The following PRH1 variants were observed in gnomAD, a reference collection of about 807,000 sequenced individuals.
PRH1 encodes proline rich protein HaeIII subfamily 1, also known as salivary acidic proline-rich phosphoprotein 1/2.
A neutral mutation model predicts 7.9 loss-of-function variants in PRH1; 7 were observed. The observed-to-expected ratio is 0.89, with a 90% CI of 0.50 to 1.67. The LOEUF (loss-of-function observed/expected upper bound fraction) is 1.67, where lower values mean the gene tolerates loss of function less well. PRH1 is among the 40% of genes most tolerant of loss of function. PRH1 has a pLI of 0.00. For synonymous variants in PRH1, 45 were observed against 80.8 expected (o/e 0.56, Z 2.38); for missense variants, 109 against 223.6 (o/e 0.49, Z 3.27).
chr12:10,885,457 T>C (rs140027304), upstream of PRH1, among the ~76,000 whole-genome samples: 59 of 152,340 alleles, frequency 3.9e-4, no homozygotes, highest in East Asian at 9.1e-3. Flanking sequence ...TGTGTGGTAC[T>C]CCTCACTACC....
chr12:11,001,326 T>A (rs946050887), intron 1 of PRH1, among the ~76,000 whole-genome samples: 2 of 152,120 alleles, frequency 1.3e-5, no homozygotes, highest in African/African-American at 4.8e-5. Context: ...AATTTTACTC[T>A]TTTTTTATTA....
chr12:11,016,492 T>C (rs1447707929), intron 1 of PRH1, among the ~76,000 whole-genome samples: 4 of 152,148 alleles, frequency 2.6e-5, no homozygotes, highest in African/African-American at 9.7e-5. Context: ...ACTAATTTTT[T>C]GTTGTTGTTT....
At chr12:11,133,144 T>C (rs202119825) in intron 1 of PRH1, 163 of 882,744 alleles carry the variant, frequency 1.8e-4, no homozygotes, top group Non-Finnish European at 2.5e-4. Flanking sequence ...CACACACACA[T>C]CTATATATAT....
chr12:11,133,369 T>G (rs1211715042), intron 1 of PRH1: 1 of 1,613,692 alleles, frequency 6.2e-7, no homozygotes, highest in Non-Finnish European at 8.5e-7. Flanking sequence ...GCCGCAAAAC[T>G]GAAAGAAAAA....
rs1039566963 is a variant in PRH1 at position 10,985,972 on chromosome 12, T to G, written c.-125-12251A>C. On this transcript the variant is annotated intron_variant, in intron 1 of 3. Coordinates refer to the PRH1 transcript ENST00000539853. ...TTCAGGTCTTTTACTCAGCACCTAA[T>G]CTGACACAAAATCAAAAGAAAGGTG... 18 of 1,611,150 alleles carry G rather than the reference T, an allele frequency of 1.1e-5. No homozygotes were observed. In the East Asian group the frequency reaches 1.3e-4, roughly 12 times the overall value.
chr12:11,076,961 T>C (rs1944315711), intron 1 of PRH1: 1 of 115,764 alleles, frequency 8.6e-6, no homozygotes, highest in Non-Finnish European at 2.0e-5. Context: ...AGTACATATA[T>C]GTGATACAAA....
intron 1 of PRH1, chr12:11,078,203 C>G: frequency 4.1e-6 from 2 of 486,828 alleles, no homozygotes; most frequent in African/African-American, 2.0e-5. Flanking sequence ...AATGCAAACA[C>G]TACCAGAATT....
At chr12:11,118,431 T>C (rs1040808604), downstream of PRH1, among the ~76,000 whole-genome samples, 3 of 152,106 alleles carry the variant, frequency 2.0e-5, no homozygotes, top group African/African-American at 7.2e-5. Flanking sequence ...CAAATGCTGG[T>C]GAGGATGTGG....
chr12:10,950,142 T>C (rs1317453734), intron 2 of PRH1, among the ~76,000 whole-genome samples: 2 of 152,150 alleles, frequency 1.3e-5, no homozygotes, highest in Non-Finnish European at 2.9e-5. Flanking sequence ...CCATAATTTA[T>C]TTATCATTTT....
intron 1 of PRH1, among the ~76,000 whole-genome samples, chr12:11,072,476 C>T (rs1259193927): frequency 6.6e-6 from 1 of 152,212 alleles, no homozygotes; most frequent in Non-Finnish European, 1.5e-5. Context: ...AGAGCAGGAC[C>T]AAGGCGAAGC....
At chr12:11,061,499 CTTCGCAGAA>C (rs1565608609) in intron 1 of PRH1, 7 of 1,614,120 alleles carry the variant, frequency 4.3e-6, no homozygotes, top group Non-Finnish European at 5.1e-6. Context: ...AATGCAATAG[CTTCGCAGAA>C]CATGAAGACA....
intron 1 of PRH1, among the ~76,000 whole-genome samples, chr12:11,162,181 A>G (rs1275916481): frequency 1.3e-5 from 2 of 152,212 alleles, no homozygotes; most frequent in African/African-American, 4.8e-5. Context: ...TCAGAAAATG[A>G]TGGATAAGGG....
In PRH1 at chr12:10,891,223, G is replaced by A. The variant is rs150643335; in HGVS notation, c.-58-6948C>T. Among the ~76,000 whole-genome samples the A allele has an allele frequency of 4.7e-3, 722 of 152,256 alleles. 7 individuals are homozygous for A. The highest frequency in any genetic ancestry group is 0.017 in the African/African-American group (693 of 41,564). On this transcript the variant is annotated intron_variant, in intron 2 of 3. Transcript: ENST00000539853. ...CATTTACTTTCAAATAAGCATTATT[G>A]CCACTACTCGGTGGTTAACTGAATA...
At chr12:11,086,165 T>C (rs1944686779) in intron 1 of PRH1, among the ~76,000 whole-genome samples, 2 of 85,904 alleles carry the variant, frequency 2.3e-5, no homozygotes, top group Non-Finnish European at 5.6e-5. Flanking sequence ...ATTTCTAAAA[T>C]GAAAAATTAA....
At chr12:10,976,311 C>T (rs1322329209) in intron 1 of PRH1, among the ~76,000 whole-genome samples, 1 of 152,158 alleles carries the variant, frequency 6.6e-6, no homozygotes, top group Non-Finnish European at 1.5e-5. Context: ...ACAACCCTCT[C>T]CTGAATGAAT....
At chr12:11,153,200 G>C (rs1396036463) in intron 1 of PRH1, among the ~76,000 whole-genome samples, 2 of 152,148 alleles carry the variant, frequency 1.3e-5, no homozygotes, top group African/African-American at 4.8e-5. Flanking sequence ...TGACTTATAA[G>C]TGTGCTAGAA....
At chr12:11,102,641 T>C (rs1194006059) in intron 1 of PRH1, among the ~76,000 whole-genome samples, 3 of 152,166 alleles carry the variant, frequency 2.0e-5, no homozygotes, top group Non-Finnish European at 4.4e-5. Context: ...GGCAAGGACT[T>C]CATGGCTAAA....
intron 1 of PRH1, among the ~76,000 whole-genome samples, chr12:11,037,720 A>C (rs1942497444): frequency 6.6e-6 from 1 of 152,380 alleles, no homozygotes; most frequent in South Asian, 2.1e-4. Flanking sequence ...GTTCTTGCTT[A>C]TCTCTCCTTT....
chr12:11,080,155 T>A (rs1256259389), intron 1 of PRH1, among the ~76,000 whole-genome samples: 38,535 of 92,778 alleles, frequency 0.42, 3,944 homozygotes, highest in Non-Finnish European at 0.5. Flanking sequence ...AATTTTCTTT[T>A]TACTTTACCA....
Sources: allele counts gnomAD v4.1 joint callset (sites outside exome capture counted in the v4.1 genomes callset), GRCh38; gene constraint gnomAD v4.1.1; transcripts MANE v1.5; gene names NCBI Gene and HGNC (gene_info 2026-07-23, HGNC 2026-07-21).